The following SLX9 variants were observed in gnomAD, a reference collection of about 807,000 sequenced individuals.
The protein encoded by SLX9 is SLX9 ribosome biogenesis factor, also known as ribosome biogenesis protein SLX9 homolog.
SLX9 carries 19 observed loss-of-function variants against 20.8 expected under a neutral mutation model. That is an observed-to-expected ratio of 0.91 (90% confidence interval 0.64 to 1.34). The LOEUF is 1.34. Among genes scored for constraint, SLX9 ranks in the 40% most tolerant of loss-of-function variants. The pLI is 0.00. For synonymous variants in SLX9, 113 were observed against 137.1 expected (o/e 0.82, Z 1.23); for missense variants, 299 against 322.2 (o/e 0.93, Z 0.55).
intron 4 of SLX9, among the ~76,000 whole-genome samples, chr21:44,971,580 G>A (rs1471219516): frequency 6.6e-6 from 1 of 152,190 alleles, no homozygotes; most frequent in Non-Finnish European, 1.5e-5. Flanking sequence ...CTTAAAGTGA[G>A]GGTGCAGCTC....
At chr21:44,944,034 G>A (rs1265229361) in intron 2 of SLX9, among the ~76,000 whole-genome samples, 197 bp downstream of exon 2, 1 of 152,216 alleles carries the variant, frequency 6.6e-6, no homozygotes, top group East Asian at 1.9e-4. Flanking sequence ...GCTGCATCAT[G>A]TCTCCGCAGC....
chr21:44,951,696 C>T (rs542035456), intron 2 of SLX9, among the ~76,000 whole-genome samples: 1 of 152,278 alleles, frequency 6.6e-6, no homozygotes, highest in African/African-American at 2.4e-5. Context: ...GTGTGGGCAC[C>T]ATCTCTCACT....
Position 44,940,173 on chromosome 21 carries a change from C to G in SLX9, c.116C>G (p.Ser39Trp), listed in dbSNP as rs1340150857. ...PAPEATPPPA[S>W]AAGKDWAFIN... ...CCGGAGGCGACCCCTCCGCCGGCCT[C>G]GGCCGCGGGGAAGGTGAGCTGGGGA... The change falls in exon 1 of 6, where the codon TCG (serine) becomes TGG (tryptophan). Residue 39 changes from serine (S) to tryptophan (W), a missense_variant. Coordinates refer to ENST00000291634, the MANE Select transcript of SLX9 (RefSeq NM_058190.4). The G allele has an allele frequency of 1.3e-5, 17 of 1,268,992 alleles. No homozygotes were observed. The highest frequency in any genetic ancestry group is 1.4e-5 in the Non-Finnish European group (14 of 1,003,738). The allele number at this position is 1,268,992 out of a possible 1,614,324, so 78.6% of individuals were successfully genotyped here. A position where few individuals can be genotyped will look rare whatever the true frequency, so the allele number is the denominator to read the frequency against.
At chr21:44,961,660 G>A (rs963166154) in intron 3 of SLX9, among the ~76,000 whole-genome samples, 3 of 152,090 alleles carry the variant, frequency 2.0e-5, no homozygotes, top group Non-Finnish European at 2.9e-5. Flanking sequence ...TAAATATTCT[G>A]TTTTCTTTAT....
intron 2 of SLX9, among the ~76,000 whole-genome samples, chr21:44,950,011 T>C (rs2084725788): frequency 6.6e-6 from 1 of 152,078 alleles, no homozygotes; most frequent in Non-Finnish European, 1.5e-5. Context: ...ACGCAGGCTC[T>C]CCCTCCTGCC....
chr21:44,941,535 C>G (rs1226385040), intron 1 of SLX9, among the ~76,000 whole-genome samples: 1 of 151,576 alleles, frequency 6.6e-6, no homozygotes, highest in Non-Finnish European at 1.5e-5. Flanking sequence ...AGCAATTGTT[C>G]TTAAAGCCTC....
intron 1 of SLX9, among the ~76,000 whole-genome samples, chr21:44,940,559 C>T (rs968771867): frequency 6.6e-6 from 1 of 152,190 alleles, no homozygotes; most frequent in Admixed American, 6.5e-5. Context: ...GACCCCGTTC[C>T]CTTTAGCAGT....
intron 4 of SLX9, among the ~76,000 whole-genome samples, chr21:44,972,896 A>G (rs1356854911): frequency 4.8e-5 from 3 of 61,910 alleles, no homozygotes; most frequent in Admixed American, 1.8e-4. Flanking sequence ...CCATGGAGCC[A>G]GGAGGAGCTG....
chr21:44,951,220 A>G (rs2084751056), intron 2 of SLX9, among the ~76,000 whole-genome samples: 1 of 152,098 alleles, frequency 6.6e-6, no homozygotes, highest in South Asian at 2.1e-4. Context: ...GGCTGCTGCC[A>G]TACTGGGCGC....
At chr21:44,943,545 C>T (rs2084586949) in intron 1 of SLX9, 139 bp from the exon 2 acceptor site, 1 of 1,191,844 alleles carries the variant, frequency 8.4e-7, no homozygotes, top group African/African-American at 1.5e-5. Flanking sequence ...AGGGTTGTTT[C>T]CCCCAGGTCC....
intron 5 of SLX9, 71 bp downstream of exon 5, chr21:44,973,336 GGTTC>G (rs2085195166): frequency 6.7e-7 from 1 of 1,488,710 alleles, no homozygotes; most frequent in Non-Finnish European, 9.2e-7. Context: ...CCTCTCCAGG[GGTTC>G]AGCTCCTATG....
chr21:44,955,172 C>T (rs1049750371), intron 2 of SLX9, among the ~76,000 whole-genome samples: 10 of 150,650 alleles, frequency 6.6e-5, no homozygotes, highest in African/African-American at 2.0e-4. Context: ...CGTGCCACTG[C>T]GCTCCAGCCT....
intron 3 of SLX9, 118 bp downstream of exon 3, chr21:44,960,286 C>A: frequency 1.1e-6 from 1 of 943,658 alleles, no homozygotes; most frequent in Non-Finnish European, 1.7e-6. Context: ...CGAGGAGTGC[C>A]CAAGGGGATC....
At chr21:44,953,230 C>T (rs373787346) in intron 2 of SLX9, among the ~76,000 whole-genome samples, 7 of 152,348 alleles carry the variant, frequency 4.6e-5, no homozygotes, top group African/African-American at 9.6e-5. Flanking sequence ...CCTCTGTGGG[C>T]GCGTGGCCGG....
chr21:44,946,441 T>C (rs576809412), intron 2 of SLX9, among the ~76,000 whole-genome samples: 5 of 150,432 alleles, frequency 3.3e-5, no homozygotes, highest in Middle Eastern at 3.4e-3. Flanking sequence ...ATGGGAATTA[T>C]TTGAGCCGTG....
intron 4 of SLX9, among the ~76,000 whole-genome samples, chr21:44,971,901 G>A (rs1269921194): frequency 2.0e-5 from 3 of 152,226 alleles, no homozygotes; most frequent in Non-Finnish European, 4.4e-5. Flanking sequence ...GCAATGAATG[G>A]AGCTGTGGCT....
At chr21:44,959,217 C>T (rs2084911407) in intron 2 of SLX9, 1 of 985,432 alleles carries the variant, frequency 1.0e-6, no homozygotes, top group Non-Finnish European at 1.2e-6. Context: ...CTTTGTTTTT[C>T]ATTAGACATG....
chr21:44,955,469 A>G (rs760263502), intron 2 of SLX9, among the ~76,000 whole-genome samples: 3 of 152,136 alleles, frequency 2.0e-5, no homozygotes, highest in African/African-American at 2.4e-5. Context: ...CTCAATGCCA[A>G]CTACCGTTAA....
chr21:44,972,371 T>A (rs551406006), intron 4 of SLX9, among the ~76,000 whole-genome samples: 1 of 152,232 alleles, frequency 6.6e-6, no homozygotes, highest in South Asian at 2.1e-4. Flanking sequence ...GGTGAGAAGC[T>A]CCGCGGGCAG....
Sources: gnomAD v4.1 joint callset for allele counts (sites outside exome capture counted in the v4.1 genomes callset) on GRCh38, gnomAD v4.1.1 for gene constraint, MANE v1.5 for transcripts, NCBI Gene and HGNC (gene_info 2026-07-23, HGNC 2026-07-21) for gene names.